The following RTL4 variants were observed in gnomAD, a reference collection of about 807,000 sequenced individuals.
RTL4 encodes retrotransposon Gag-like protein 4.
Under a neutral mutation model 5.3 loss-of-function variants are expected in RTL4, and 4 were observed. That is an observed-to-expected ratio of 0.75 (90% CI 0.37 to 1.72). The LOEUF is 1.72. RTL4 is among the 40% of genes most tolerant of loss of function. RTL4 has a pLI of 0.04. For missense variants in RTL4, 260 were observed against 227.1 expected, an observed-to-expected ratio of 1.14 and a Z score of -0.93; for synonymous variants, 98 against 87.3, an observed-to-expected ratio of 1.12 and a Z score of -0.68.
At chrX:112,364,657 C>T in the RTL4 span, among the ~76,000 whole-genome samples, 1 of 110,757 alleles carries the variant, frequency 9.0e-6, no homozygotes, top group Non-Finnish European at 1.9e-5. Flanking sequence ...CAACTCCGAG[C>T]AGCTATAGGT....
At chrX:112,371,303 C>A in the RTL4 span, among the ~76,000 whole-genome samples, 4 of 111,333 alleles carry the variant, frequency 3.6e-5, no homozygotes, top group Non-Finnish European at 3.8e-5. Context: ...TCTTCAATTG[C>A]TTTCTCTGCA....
chrX:112,181,839 G>A, the RTL4 span, among the ~76,000 whole-genome samples: 1 of 112,113 alleles, frequency 8.9e-6, no homozygotes, highest in Admixed American at 9.4e-5. Flanking sequence ...TGCTAAGGGA[G>A]AGACTGCCTC....
the RTL4 span, among the ~76,000 whole-genome samples, chrX:112,264,961 A>G: frequency 3.6e-5 from 4 of 112,614 alleles, no homozygotes; most frequent in Non-Finnish European, 5.6e-5. Context: ...TAGGTACTCA[A>G]TAAACTCTTT....
chrX:112,180,587 C>T, the RTL4 span, among the ~76,000 whole-genome samples: 3 of 111,610 alleles, frequency 2.7e-5, no homozygotes, highest in Non-Finnish European at 5.6e-5. Flanking sequence ...AGTTAATGTG[C>T]GTTATTGATG....
chrX:112,397,160 G>T, the RTL4 span, among the ~76,000 whole-genome samples: 1 of 111,469 alleles, frequency 9.0e-6, no homozygotes, highest in African/African-American at 3.3e-5. Flanking sequence ...CTATCTATTG[G>T]AGATTGCTTC....
chrX:112,401,907 C>T, the RTL4 span, among the ~76,000 whole-genome samples: 1 of 112,202 alleles, frequency 8.9e-6, no homozygotes, highest in Non-Finnish European at 1.9e-5. Context: ...ACTTTTAGGA[C>T]ACTTATTCCA....
the RTL4 span, among the ~76,000 whole-genome samples, chrX:112,400,554 T>C: frequency 1.8e-5 from 2 of 111,816 alleles, no homozygotes; most frequent in Admixed American, 9.5e-5. Flanking sequence ...TCTCTTAATA[T>C]ATATATTTAC....
chrX:112,402,399 ATTGTGT>A, the RTL4 span, among the ~76,000 whole-genome samples: 255 of 62,056 alleles, frequency 4.1e-3, no homozygotes, highest in African/African-American at 0.014. Flanking sequence ...CGGAATTATT[ATTGTGT>A]GTGTGTGTGT....
chrX:112,118,666 G>A, the RTL4 span, among the ~76,000 whole-genome samples: 5 of 111,833 alleles, frequency 4.5e-5, no homozygotes, highest in Admixed American at 3.8e-4. Flanking sequence ...AAGGCTGGAC[G>A]CTACAACTAT....
the RTL4 span, among the ~76,000 whole-genome samples, chrX:112,160,088 A>T: frequency 1.8e-5 from 2 of 111,921 alleles, no homozygotes; most frequent in African/African-American, 6.5e-5. Context: ...GAAGCAGAGG[A>T]TAAGTATTAA....
At chrX:112,240,131 G>A in the RTL4 span, among the ~76,000 whole-genome samples, 1 of 111,537 alleles carries the variant, frequency 9.0e-6, no homozygotes, top group African/African-American at 3.3e-5. Context: ...GAACCAAAGG[G>A]ATATTATAGA....
At chrX:112,351,460 A>T in the RTL4 span, among the ~76,000 whole-genome samples, 1 of 109,193 alleles carries the variant, frequency 9.2e-6, no homozygotes, top group Admixed American at 9.8e-5. Context: ...TAATATTGAC[A>T]GTGGGGTGTT....
At chrX:112,156,191 G>C in the RTL4 span, among the ~76,000 whole-genome samples, 1 of 112,348 alleles carries the variant, frequency 8.9e-6, no homozygotes, top group Admixed American at 9.4e-5. Context: ...TCTGAAGAGA[G>C]AGACAGCAAT....
the RTL4 span, among the ~76,000 whole-genome samples, chrX:112,192,239 A>G: frequency 5.5e-5 from 6 of 109,851 alleles, no homozygotes; most frequent in South Asian, 1.6e-3. Flanking sequence ...TCCAATCTAC[A>G]TAACTCCTAT....
the RTL4 span, among the ~76,000 whole-genome samples, chrX:112,176,336 A>G: frequency 8.9e-6 from 1 of 112,173 alleles, no homozygotes; most frequent in Admixed American, 9.4e-5. Flanking sequence ...GTTTCTCAGT[A>G]TTAGCTTACA....
the RTL4 span, among the ~76,000 whole-genome samples, chrX:112,398,358 T>C: frequency 1.8e-5 from 2 of 109,346 alleles, no homozygotes; most frequent in Non-Finnish European, 3.8e-5. Flanking sequence ...GGTCACATTG[T>C]CCCTTTTGTA....
At chrX:112,205,626 C>T in the RTL4 span, among the ~76,000 whole-genome samples, 3 of 111,096 alleles carry the variant, frequency 2.7e-5, no homozygotes, top group East Asian at 2.8e-4. Context: ...CACACACACA[C>T]GCACACACAC....
chrX:112,175,062 G>A, the RTL4 span, among the ~76,000 whole-genome samples: 1 of 99,604 alleles, frequency 1.0e-5, no homozygotes, highest in African/African-American at 3.6e-5. Flanking sequence ...TTCTTTTGCT[G>A]TGCAGAAGCT....
chrX:112,451,712 A>G (rs914598166), upstream of RTL4, among the ~76,000 whole-genome samples: 1 of 111,458 alleles, frequency 9.0e-6, no homozygotes, highest in African/African-American at 3.3e-5. Context: ...TGACATCCTT[A>G]CCTGTTGAAT....
Sources: gnomAD v4.1 joint callset for allele counts (sites outside exome capture counted in the v4.1 genomes callset) on GRCh38, gnomAD v4.1.1 for gene constraint, MANE v1.5 for transcripts, NCBI Gene and HGNC (gene_info 2026-07-23, HGNC 2026-07-21) for gene names.